Variants in EYS observed in about 807,000 individuals in gnomAD.
EYS encodes the protein protein eyes shut homolog.
A neutral mutation model predicts 282.1 loss-of-function variants in EYS; 250 were observed. The ratio of observed to expected loss-of-function variants is 0.89; its 90% CI spans 0.80 to 0.98. The LOEUF is 0.98. Ranked by LOEUF, EYS falls within the 50% of genes least tolerant of loss-of-function variation. The pLI is 0.00. For missense variants in EYS, 4,016 were observed against 3,709.0 expected, an observed-to-expected ratio of 1.08 and a Z score of -2.15; for synonymous variants, 1,355 against 1,282.9, an observed-to-expected ratio of 1.06 and a Z score of -1.20.
rs183168942 is a variant in EYS at position 64,237,149 on chromosome 6, A to G, written c.6192-6325T>C. On this transcript the variant is annotated intron_variant, in intron 30 of 42. Coordinates refer to ENST00000503581, the MANE Select transcript of EYS (RefSeq NM_001142800.2). ...GCTGTTTAACAGCCACTTACATAAA[A>G]ACTAGAAACTTGCTGTTGTTTCAAA... Among the ~76,000 whole-genome samples, 561 of 152,320 alleles carry G rather than the reference A, an allele frequency of 3.7e-3. 4 individuals are homozygous for G. Among genetic ancestry groups the G allele is most frequent in the African/African-American group, 0.013 (534 of 41,576 alleles).
At chr6:64,437,737 CT>C (rs1015592052) in intron 27 of EYS, among the ~76,000 whole-genome samples, 2 of 136,472 alleles carry the variant, frequency 1.5e-5, no homozygotes, top group East Asian at 2.5e-4. Flanking sequence ...TGAAGGCTAG[CT>C]TTTTTTTCCT....
At chr6:65,369,030 G>A (rs968226192) in intron 8 of EYS, among the ~76,000 whole-genome samples, 3 of 150,738 alleles carry the variant, frequency 2.0e-5, no homozygotes, top group Non-Finnish European at 2.9e-5. Flanking sequence ...CTTTCTCCCC[G>A]TTTTCTTAAA....
chr6:64,614,500 T>C (rs1157224209), intron 24 of EYS, among the ~76,000 whole-genome samples: 1 of 152,142 alleles, frequency 6.6e-6, no homozygotes. Flanking sequence ...GTGACTAATA[T>C]GCTATGAGCA....
At chr6:64,617,896 G>A (rs1471157842) in intron 23 of EYS, among the ~76,000 whole-genome samples, 1 of 152,120 alleles carries the variant, frequency 6.6e-6, no homozygotes, top group Admixed American at 6.6e-5. Flanking sequence ...GAAAGCAATA[G>A]AATAAAGACA....
chr6:64,593,291 G>A lies in EYS; in HGVS notation c.3703C>T (p.Leu1235Phe), dbSNP rs1452073359. ...PGFMTCSIGL[L>F]CGDEIRRITC... ...ATTCTCCTTATTTCATCACCACAAA[G>A]AAGCCCAATGGAGCAGGTCTGCAAA... The change falls in exon 25 of 43, where the codon CTT becomes TTT. Residue 1235 changes from leucine (L) to phenylalanine (F), a missense_variant. Leu to Phe is a conservative substitution (Grantham distance 22). Coordinates refer to ENST00000503581, the MANE Select transcript of EYS (RefSeq NM_001142800.2). The A allele has an allele frequency of 1.3e-6, 2 of 1,550,150 alleles. No homozygotes were observed. The highest frequency in any genetic ancestry group is 8.7e-7 in the Non-Finnish European group (1 of 1,146,132).
intron 31 of EYS, among the ~76,000 whole-genome samples, chr6:64,197,150 G>C (rs1765317214): frequency 6.6e-6 from 1 of 152,022 alleles, no homozygotes; most frequent in Admixed American, 6.5e-5. Flanking sequence ...TACTATCTAG[G>C]TAGTGTTAAT....
chr6:64,811,108 A>C (rs1764577124), intron 22 of EYS, among the ~76,000 whole-genome samples: 1 of 152,052 alleles, frequency 6.6e-6, no homozygotes, highest in Admixed American at 6.6e-5. Context: ...ACTACCTTCT[A>C]TCCTAGAATA....
chr6:64,593,350 C>A, intron 24 of EYS, 41 bp from the exon 25 acceptor site: 1 of 1,471,708 alleles, frequency 6.8e-7, no homozygotes, highest in Non-Finnish European at 9.2e-7. Context: ...AGCTCAGTTT[C>A]TTTGTTCCTA....
intron 26 of EYS, among the ~76,000 whole-genome samples, chr6:64,463,381 T>C (rs902361451): frequency 1.3e-5 from 2 of 152,220 alleles, no homozygotes; most frequent in African/African-American, 4.8e-5. Context: ...TAGTCAGCTA[T>C]CCTTCTAGGG....
chr6:64,214,884 C>T (rs770667131), intron 31 of EYS, among the ~76,000 whole-genome samples: 2 of 151,806 alleles, frequency 1.3e-5, no homozygotes, highest in Non-Finnish European at 2.9e-5. Context: ...TGTAATGTTC[C>T]ATTTGATATG....
intron 2 of EYS, among the ~76,000 whole-genome samples, chr6:65,553,423 C>A (rs1768672176): frequency 6.6e-6 from 1 of 152,086 alleles, no homozygotes; most frequent in Non-Finnish European, 1.5e-5. Flanking sequence ...GAAGCTATGT[C>A]CAGCATCTAA....
intron 26 of EYS, among the ~76,000 whole-genome samples, chr6:64,442,801 T>C (rs536533833): frequency 2.5e-4 from 36 of 142,712 alleles, no homozygotes; most frequent in African/African-American, 8.6e-4. Context: ...AACCTCTGCC[T>C]AGATTTCAGA....
chr6:63,783,425 G>T (rs1770286487), intron 39 of EYS, among the ~76,000 whole-genome samples: 1 of 152,212 alleles, frequency 6.6e-6, no homozygotes, highest in South Asian at 2.1e-4. Context: ...CTGTAAGAGA[G>T]TCTGGGAAAG....
chr6:65,294,610 C>A (rs1768612369), intron 12 of EYS, among the ~76,000 whole-genome samples: 1 of 151,736 alleles, frequency 6.6e-6, no homozygotes, highest in African/African-American at 2.4e-5. Flanking sequence ...ATAGATGATT[C>A]ATTGATCATG....
intron 8 of EYS, among the ~76,000 whole-genome samples, chr6:65,373,377 T>C (rs1009465824): frequency 6.6e-6 from 1 of 152,052 alleles, no homozygotes; most frequent in African/African-American, 2.4e-5. Context: ...AAATACCACA[T>C]CACCTTTTGC....
chr6:65,266,983 TA>T (rs1767773206), intron 12 of EYS, among the ~76,000 whole-genome samples: 2 of 126,386 alleles, frequency 1.6e-5, no homozygotes, highest in South Asian at 4.7e-4. Context: ...TTGACATATA[TA>T]TATATAGAGA....
chr6:64,602,464 C>A (rs909957317), intron 24 of EYS, among the ~76,000 whole-genome samples: 1 of 152,036 alleles, frequency 6.6e-6, no homozygotes, highest in Non-Finnish European at 1.5e-5. Context: ...CAACCTTACT[C>A]TGAGAAATAA....
chr6:63,901,079 A>T (rs931594544), intron 35 of EYS, among the ~76,000 whole-genome samples: 2 of 152,238 alleles, frequency 1.3e-5, no homozygotes, highest in African/African-American at 4.8e-5. Flanking sequence ...TAGATATAGC[A>T]TACAAACAGT....
At chr6:64,960,301 G>T (rs552789913) in intron 14 of EYS, among the ~76,000 whole-genome samples, 1 of 151,994 alleles carries the variant, frequency 6.6e-6, no homozygotes, top group African/African-American at 2.4e-5. Context: ...ATAGTCATAT[G>T]TCATATAATC....
Sources: allele counts gnomAD v4.1 joint callset (sites outside exome capture counted in the v4.1 genomes callset), GRCh38; gene constraint gnomAD v4.1.1; transcripts MANE v1.5; gene names NCBI Gene and HGNC (gene_info 2026-07-23, HGNC 2026-07-21).